Variants in PDE3A observed in about 807,000 individuals in gnomAD.
PDE3A encodes cGMP-inhibited 3',5'-cyclic phosphodiesterase 3A.
Under a neutral mutation model 98.3 loss-of-function variants are expected in PDE3A, and 43 were observed. The ratio of observed to expected loss-of-function variants is 0.44; its 90% CI spans 0.34 to 0.56. PDE3A has a LOEUF of 0.56. PDE3A is among the 20% of genes least tolerant of loss of function. The pLI is 0.01. For synonymous variants in PDE3A, 663 were observed against 567.9 expected, an observed-to-expected ratio of 1.17 and a Z score of -2.38; for missense variants, 1,427 against 1,440.7, an observed-to-expected ratio of 0.99 and a Z score of 0.15.
chr12:20,428,972 T>G (rs1395202002), intron 1 of PDE3A, among the ~76,000 whole-genome samples: 1 of 152,200 alleles, frequency 6.6e-6, no homozygotes, highest in Non-Finnish European at 1.5e-5. Context: ...TCAAGAAATT[T>G]TATATTTCAC....
In PDE3A at chr12:20,589,868, TAA is replaced by T. The variant is rs11362815; in HGVS notation, c.1012-23555_1012-23554del. Reference sequence around the variant, plus strand: ...TGGGCGACAGAGCAAGACTGCATCTTAAAAAAAAAAAAAAAAAAAAAGAAAAA... The same window carrying T: ...TGGGCGACAGAGCAAGACTGCATCTTAAAAAAAAAAAAAAAAAAAGAAAAA... On this transcript the variant is annotated intron_variant, in intron 2 of 15. Transcript: ENST00000359062. Among the ~76,000 whole-genome samples, 310 of 112,358 alleles carry T rather than the reference TAA, an allele frequency of 2.8e-3. 2 individuals are homozygous for T. The South Asian group carries it at 0.034, about 12-fold the overall frequency. 73.7% of individuals were successfully genotyped at this position (112,358 alleles called of 152,430 possible). A position where few individuals can be genotyped will look rare whatever the true frequency, so the allele number is the denominator to read the frequency against.
chr12:20,461,032 G>A (rs996158497), intron 1 of PDE3A, among the ~76,000 whole-genome samples: 1 of 151,998 alleles, frequency 6.6e-6, no homozygotes, highest in African/African-American at 2.4e-5. Context: ...TGGTATAAAA[G>A]ATTGTTTTAC....
At chr12:20,478,763 G>A (rs995465905) in intron 1 of PDE3A, among the ~76,000 whole-genome samples, 1 of 152,118 alleles carries the variant, frequency 6.6e-6, no homozygotes, top group Non-Finnish European at 1.5e-5. Context: ...TCAGGACAAT[G>A]TCAATATTTT....
At chr12:20,449,758 G>A in intron 1 of PDE3A, 1 of 477,726 alleles carries the variant, frequency 2.1e-6, no homozygotes, top group Non-Finnish European at 3.8e-6. Flanking sequence ...CAGGCTGGGG[G>A]TCATTCACCA....
chr12:20,634,962 T>C lies in PDE3A; in HGVS notation c.1907T>C (p.Ile636Thr), dbSNP rs1429264927. The C allele has an allele frequency of 6.2e-7, 1 of 1,608,924 alleles. No individual in the cohort carries two copies. The highest frequency in any genetic ancestry group is 8.5e-7 in the Non-Finnish European group (1 of 1,175,304). The change falls in exon 8 of 16, where the codon ATT (isoleucine) becomes ACT (threonine). Residue 636 changes from isoleucine to threonine, a missense_variant. Coordinates refer to ENST00000359062, the MANE Select transcript of PDE3A (RefSeq NM_000921.5). ...ETNNNSDSSD[I>T]VQNEDETECL... is the part of the protein sequence containing the mutation. The stretch of plus-strand genomic sequence containing the variant: ...AATAACAACAGTGACAGCAGTGACA[T>C]TGTACAGAATGAAGATGAAACAGAG...
intron 1 of PDE3A, among the ~76,000 whole-genome samples, chr12:20,441,666 T>C (rs1944872850): frequency 6.6e-6 from 1 of 152,194 alleles, no homozygotes. Context: ...TGTTGGTATT[T>C]GGTACTACAG....
At position 20,553,122 on chromosome 12, in the gene PDE3A, G is replaced by A. The variant is rs1327711856; in HGVS notation, c.961-3538G>A. The A allele has an allele frequency of 2.7e-5, 21 of 768,254 alleles. No individual in the cohort carries two copies. In the East Asian group the frequency reaches 3.9e-4, roughly 14 times the overall value. 47.6% of individuals were successfully genotyped at this position (768,254 alleles called of 1,614,324 possible). A position where few individuals can be genotyped will look rare whatever the true frequency, so the allele number is the denominator to read the frequency against. On this transcript the variant is annotated intron_variant, in intron 1 of 15. Coordinates refer to ENST00000359062, the MANE Select transcript of PDE3A (RefSeq NM_000921.5). ...AACTTAAACAGGTAGTGTTTCCTCC[G>A]TTCCCTAAAAAGGTTTGTCTTCCTT...
chr12:20,661,909 C>G lies in PDE3A; in HGVS notation c.3184+7704C>G, dbSNP rs1436935240. Among the ~76,000 whole-genome samples, 5 of 152,144 alleles carry G rather than the reference C, an allele frequency of 3.3e-5. No homozygotes were observed. The East Asian group carries it at 7.8e-4, about 24-fold the overall frequency. ...GCCTAATGGAACTGTGAGAAGAGAGCCACTGTCCTCCAGACCCCAGAATGG... is the reference window on the plus strand; with the variant it reads ...GCCTAATGGAACTGTGAGAAGAGAGGCACTGTCCTCCAGACCCCAGAATGG... On this transcript the variant is annotated intron_variant, in intron 15 of 15. Transcript: ENST00000359062.
rs776808143 is a variant in PDE3A, at chr12:20,370,178, C to G, written c.894C>G (p.Ala298=). The change falls in exon 1 of 16, where the codon GCC becomes GCG. Residue 298 remains alanine (A), a synonymous_variant. Transcript: ENST00000359062. ...RRRRSSSVVS[A]EMSGCSSKSH... ...GGCGGTCCAGCTCCGTCGTGTCCGCCGAGATGTCCGGCTGCAGCAGCAAGT... is the reference window on the plus strand; with the variant it reads ...GGCGGTCCAGCTCCGTCGTGTCCGCGGAGATGTCCGGCTGCAGCAGCAAGT... The G allele has an allele frequency of 3.3e-5, 53 of 1,611,536 alleles. No individual in the cohort carries two copies. The highest frequency in any genetic ancestry group is 4.2e-5 in the Non-Finnish European group (50 of 1,179,026).
At chr12:20,672,942 C>A (rs1945527425) in intron 15 of PDE3A, among the ~76,000 whole-genome samples, 1 of 148,932 alleles carries the variant, frequency 6.7e-6, no homozygotes, top group South Asian at 2.2e-4. Context: ...ATTTTCACAA[C>A]CTACTCATCT....
intron 13 of PDE3A, among the ~76,000 whole-genome samples, chr12:20,649,123 G>A (rs1176708232): frequency 6.6e-6 from 1 of 151,414 alleles, no homozygotes. Context: ...AGTAGAGATG[G>A]GGTTTCACCA....
chr12:20,585,004 G>T (rs1433244039), intron 2 of PDE3A, among the ~76,000 whole-genome samples: 4 of 152,104 alleles, frequency 2.6e-5, no homozygotes, highest in African/African-American at 9.7e-5. Flanking sequence ...AGAACTTTTT[G>T]CTCATTGATA....
chr12:20,567,188 T>C (rs1942682460), intron 2 of PDE3A, among the ~76,000 whole-genome samples: 1 of 152,006 alleles, frequency 6.6e-6, no homozygotes, highest in Admixed American at 6.6e-5. Context: ...ATTTCTAAAA[T>C]AAATGAAAAC....
intron 1 of PDE3A, among the ~76,000 whole-genome samples, chr12:20,443,269 G>A (rs1024624428): frequency 6.6e-6 from 1 of 152,102 alleles, no homozygotes; most frequent in Non-Finnish European, 1.5e-5. Flanking sequence ...ATCTTACTCT[G>A]TCCTATCTAT....
chr12:20,506,714 G>A (rs7302377), intron 1 of PDE3A, among the ~76,000 whole-genome samples: 147,699 of 152,134 alleles, frequency 0.97, 71,718 homozygotes, highest in East Asian at 1. Context: ...TATACATAAA[G>A]TGGATAAGAG....
chr12:20,449,780 G>A (rs1565553170), intron 1 of PDE3A: 1 of 508,358 alleles, frequency 2.0e-6, no homozygotes, highest in Non-Finnish European at 3.6e-6. Context: ...TGCTGTGAGG[G>A]ACTGGATTAC....
Position 20,639,826 on chromosome 12 carries a change from G to GGCTTTGTC in PDE3A, c.2140-19_2140-12dup. The GGCTTTGTC allele has an allele frequency of 9.1e-7, 1 of 1,098,964 alleles. No homozygotes were observed. The highest frequency in any genetic ancestry group is 2.0e-4 in the Middle Eastern group (1 of 5,000). 68.1% of individuals were successfully genotyped at this position (1,098,964 alleles called of 1,614,324 possible). The stretch of plus-strand genomic sequence containing the variant: ...ACATACACATAGGGATGTTTCATAA[G>GGCTTTGTC]GCTTTGTCTTCTTTTACAGGTATCT... On this transcript the variant is annotated intron_variant, in intron 9 of 15. Coordinates refer to ENST00000359062, the MANE Select transcript of PDE3A (RefSeq NM_000921.5).
intron 5 of PDE3A, among the ~76,000 whole-genome samples, chr12:20,625,031 G>A (rs995249463): frequency 6.6e-6 from 1 of 152,172 alleles, no homozygotes; most frequent in Non-Finnish European, 1.5e-5. Flanking sequence ...TATGAAGTAA[G>A]AAGAGGCATA....
chr12:20,485,751 C>T (rs1475576758), intron 1 of PDE3A, among the ~76,000 whole-genome samples: 2 of 152,180 alleles, frequency 1.3e-5, no homozygotes, highest in East Asian at 1.9e-4. Flanking sequence ...TACTTATATA[C>T]TTAATTTTGC....
Sources: allele counts gnomAD v4.1 joint callset (sites outside exome capture counted in the v4.1 genomes callset), GRCh38; gene constraint gnomAD v4.1.1; transcripts MANE v1.5; gene names NCBI Gene and HGNC (gene_info 2026-07-23, HGNC 2026-07-21).